Variants in NBAS observed in about 807,000 individuals in gnomAD.
NBAS encodes NAG/BC035112 fusion.
Under a neutral mutation model 302.5 loss-of-function variants are expected in NBAS, and 219 were observed. The observed-to-expected ratio is 0.72, with a 90% CI of 0.65 to 0.81. The LOEUF (loss-of-function observed/expected upper bound fraction) is 0.81. Among genes scored for constraint, NBAS ranks in the 30% least tolerant of loss-of-function variants. The pLI is 0.00. For missense variants in NBAS, 2,932 were observed against 2,841.6 expected (o/e 1.03, Z -0.72); for synonymous variants, 1,118 against 1,021.6 (o/e 1.09, Z -1.80).
chr2:15,028,510 T>G, the NBAS span, among the ~76,000 whole-genome samples: 6 of 152,246 alleles, frequency 3.9e-5, no homozygotes, highest in Admixed American at 2.6e-4. Context: ...GTCATTTTCC[T>G]GCTTAAAACT....
the NBAS span, among the ~76,000 whole-genome samples, chr2:14,943,601 A>G: frequency 1.3e-5 from 2 of 152,182 alleles, no homozygotes; most frequent in Non-Finnish European, 2.9e-5. Flanking sequence ...TAAATATTCA[A>G]GACCACTTTA....
At chr2:15,027,568 T>A in the NBAS span, among the ~76,000 whole-genome samples, 1 of 152,226 alleles carries the variant, frequency 6.6e-6, no homozygotes, top group South Asian at 2.1e-4. Flanking sequence ...AAATCTATTA[T>A]AAGCTAAAAA....
chr2:15,289,289 A>G (rs1370588332), intron 41 of NBAS, among the ~76,000 whole-genome samples: 1 of 152,114 alleles, frequency 6.6e-6, no homozygotes, highest in African/African-American at 2.4e-5. Context: ...TTTGGTAGAG[A>G]CAAGGTCTTG....
At chr2:15,225,695 A>G (rs1667125106) in intron 47 of NBAS, among the ~76,000 whole-genome samples, 1 of 152,186 alleles carries the variant, frequency 6.6e-6, no homozygotes, top group African/African-American at 2.4e-5. Flanking sequence ...AAAACTCAAT[A>G]GTTTTGAAGT....
chr2:15,046,829 A>G, the NBAS span, among the ~76,000 whole-genome samples: 10 of 152,182 alleles, frequency 6.6e-5, no homozygotes, highest in Admixed American at 6.5e-4. Context: ...AATGTTCCCC[A>G]GGTGAATACT....
the NBAS span, among the ~76,000 whole-genome samples, chr2:14,989,284 T>C: frequency 1.1e-5 from 1 of 90,852 alleles, no homozygotes; most frequent in Admixed American, 1.3e-4. Flanking sequence ...ATATAGTAGA[T>C]GTATGTGTAT....
rs1162174239 is a variant in NBAS at position 15,431,282 on chromosome 2, T to C, written c.2340-3488A>G. ...TCTTAGGTTTGATCACTCATGTTCA[T>C]GTAAAAACAAAAAAACCCTTCTTGT... On this transcript the variant is annotated intron_variant, in intron 21 of 51. Coordinates refer to ENST00000281513, the MANE Select transcript of NBAS (RefSeq NM_015909.4). Among the ~76,000 whole-genome samples, 4 of 151,854 alleles carry C rather than the reference T, an allele frequency of 2.6e-5. No homozygotes were observed. The East Asian group carries it at 5.8e-4, about 22-fold the overall frequency.
At position 15,558,612 on chromosome 2, in the gene NBAS, C is replaced by G. The variant is rs556940270; in HGVS notation, c.140G>C (p.Gly47Ala). ...TGCTTTCGTGATGATAAAGGATGCA[C>G]CATGTTTTTGGTTGCCTCTAGGCTG... ...EVQPRGNQKHGASFIITKAIR... is the reference protein window; with the variant it reads ...EVQPRGNQKHAASFIITKAIR... Residue 47 changes from glycine to alanine, a missense_variant, in exon 2 of 52, where the codon GGT becomes GCT. By Grantham distance (60) the Gly-to-Ala change is moderately conservative. Coordinates refer to ENST00000281513, the MANE Select transcript of NBAS (RefSeq NM_015909.4). The G allele has an allele frequency of 1.2e-6, 2 of 1,612,932 alleles. No individual in the cohort carries two copies. Among genetic ancestry groups the G allele is most frequent in the Non-Finnish European group, 1.7e-6 (2 of 1,179,406 alleles).
chr2:15,019,032 A>C, the NBAS span, among the ~76,000 whole-genome samples: 1 of 152,228 alleles, frequency 6.6e-6, no homozygotes, highest in African/African-American at 2.4e-5. Flanking sequence ...TCAATAAGCC[A>C]CAGAATAGTC....
chr2:15,280,981 G>A (rs567938428), intron 42 of NBAS, among the ~76,000 whole-genome samples: 5 of 152,184 alleles, frequency 3.3e-5, no homozygotes, highest in Admixed American at 1.3e-4. Flanking sequence ...GATAATCATG[G>A]CATTTTTTAG....
chr2:14,985,527 G>C, the NBAS span, among the ~76,000 whole-genome samples: 1 of 152,196 alleles, frequency 6.6e-6, no homozygotes, highest in Non-Finnish European at 1.5e-5. Flanking sequence ...GAAAAGGCAA[G>C]ATGTTGGACA....
chr2:15,416,813 G>GGA (rs1553308803), intron 24 of NBAS, among the ~76,000 whole-genome samples: 2 of 74,958 alleles, frequency 2.7e-5, no homozygotes, highest in African/African-American at 8.9e-5. Context: ...CTGAAAAAAA[G>GGA]AAAAAAAAAA....
the NBAS span, among the ~76,000 whole-genome samples, chr2:14,869,097 A>G: frequency 1.3e-5 from 2 of 152,182 alleles, no homozygotes; most frequent in Admixed American, 6.5e-5. Context: ...ATGGAAAAAG[A>G]CAGAAAATGA....
the NBAS span, among the ~76,000 whole-genome samples, chr2:15,091,296 T>TGACCCTCGAACAACACGGTC: frequency 6.6e-5 from 10 of 151,914 alleles, no homozygotes. Flanking sequence ...TTCATACAGT[T>TGACCCTCGAACAACACGGTC]TGAACTGCAT....
intron 48 of NBAS, among the ~76,000 whole-genome samples, chr2:15,216,926 G>T (rs751708713): frequency 1.2e-4 from 18 of 152,206 alleles, no homozygotes; most frequent in Non-Finnish European, 5.9e-5. Flanking sequence ...AAGGTATGAG[G>T]AAAGTACATA....
chr2:15,375,649 A>AT (rs947610874), intron 30 of NBAS, among the ~76,000 whole-genome samples: 1 of 152,310 alleles, frequency 6.6e-6, no homozygotes, highest in South Asian at 2.1e-4. Flanking sequence ...ACTTTTTTAC[A>AT]TTTTTTACTC....
intron 11 of NBAS, among the ~76,000 whole-genome samples, chr2:15,494,104 A>G (rs1167889936): frequency 1.3e-5 from 2 of 152,198 alleles, no homozygotes; most frequent in African/African-American, 2.4e-5. Flanking sequence ...GATTACAGGC[A>G]TGAGCCACCC....
At chr2:14,945,440 AAGG>A in the NBAS span, among the ~76,000 whole-genome samples, 1 of 152,234 alleles carries the variant, frequency 6.6e-6, no homozygotes, top group Non-Finnish European at 1.5e-5. Flanking sequence ...GAAACAAAGC[AAGG>A]AAACAGTGAC....
At chr2:15,167,819 G>T (rs1003212948) in intron 51 of NBAS, among the ~76,000 whole-genome samples, 3 of 152,240 alleles carry the variant, frequency 2.0e-5, no homozygotes, top group African/African-American at 7.2e-5. Flanking sequence ...CTTTAATGCT[G>T]TATCTTTCTT....
Sources: allele counts gnomAD v4.1 joint callset (sites outside exome capture counted in the v4.1 genomes callset), GRCh38; gene constraint gnomAD v4.1.1; transcripts MANE v1.5; gene names NCBI Gene and HGNC (gene_info 2026-07-23, HGNC 2026-07-21).